The following BEND7 variants were observed in gnomAD, a reference collection of about 807,000 sequenced individuals.
BEND7 encodes BEN domain-containing protein 7.
A neutral mutation model predicts 50.9 loss-of-function variants in BEND7; 28 were observed. That is an observed-to-expected ratio of 0.55 (90% CI 0.41 to 0.75). BEND7 has a LOEUF of 0.75. Among genes scored for constraint, BEND7 ranks in the 30% least tolerant of loss-of-function variants. BEND7 has a pLI of 0.00. For synonymous variants in BEND7, 170 were observed against 183.9 expected (o/e 0.92, Z 0.61); for missense variants, 477 against 491.3 (o/e 0.97, Z 0.28).
At chr10:13,504,872 C>G (rs1397905489) in intron 2 of BEND7, among the ~76,000 whole-genome samples, 1 of 152,170 alleles carries the variant, frequency 6.6e-6, no homozygotes, top group Non-Finnish European at 1.5e-5. Context: ...CACTAAATTT[C>G]AAGACTCTAC....
intron 6 of BEND7, among the ~76,000 whole-genome samples, chr10:13,454,904 G>A (rs879333076): frequency 6.6e-6 from 1 of 152,172 alleles, no homozygotes; most frequent in Non-Finnish European, 1.5e-5. Flanking sequence ...GGGCGCGGTG[G>A]CTCACGCCTG....
At chr10:13,525,281 T>C (rs2079378059) in intron 2 of BEND7, among the ~76,000 whole-genome samples, 1 of 152,206 alleles carries the variant, frequency 6.6e-6, no homozygotes, top group Admixed American at 6.5e-5. Context: ...TTTTGGCTGA[T>C]TGTGTGCAAA....
chr10:13,475,784 G>A (rs192458257), intron 6 of BEND7, among the ~76,000 whole-genome samples: 146 of 152,336 alleles, frequency 9.6e-4, no homozygotes, highest in Non-Finnish European at 1.6e-3. Flanking sequence ...TAGAAAGACT[G>A]AAGTGTTTAG....
chr10:13,458,686 G>C (rs1416822696), intron 6 of BEND7, among the ~76,000 whole-genome samples: 1 of 152,206 alleles, frequency 6.6e-6, no homozygotes, highest in East Asian at 1.9e-4. Context: ...CAAACTCCTA[G>C]AGCTTGCAAA....
intron 3 of BEND7, among the ~76,000 whole-genome samples, chr10:13,498,166 C>T (rs1378754632): frequency 2.0e-5 from 3 of 150,776 alleles, no homozygotes; most frequent in African/African-American, 7.3e-5. Context: ...ACCCCTGCCT[C>T]CCAGGCTCAA....
chr10:13,525,902 G>C (rs1174092398), intron 2 of BEND7, among the ~76,000 whole-genome samples: 1 of 152,198 alleles, frequency 6.6e-6, no homozygotes, highest in Non-Finnish European at 1.5e-5. Context: ...GGCTCTGTGA[G>C]TGAGTGATAA....
At chr10:13,515,672 G>A (rs979401934) in intron 2 of BEND7, among the ~76,000 whole-genome samples, 71 of 152,278 alleles carry the variant, frequency 4.7e-4, no homozygotes, top group African/African-American at 1.6e-3. Context: ...CCTAACTATG[G>A]TCACGCGGCC....
chr10:13,452,951 G>A (rs1461930579), intron 6 of BEND7, among the ~76,000 whole-genome samples: 1 of 152,192 alleles, frequency 6.6e-6, no homozygotes, highest in Non-Finnish European at 1.5e-5. Flanking sequence ...CTTATAGGCA[G>A]AGAAGAAAAT....
chr10:13,447,342 A>C, intron 7 of BEND7, 26 bp from the exon 8 acceptor site: 1 of 1,613,226 alleles, frequency 6.2e-7, no homozygotes, highest in East Asian at 2.2e-5. Context: ...ATAAGACACA[A>C]ATCTCATTAG....
At chr10:13,480,855 A>G (rs1413253023) in intron 6 of BEND7, 44 bp downstream of exon 6, 3 of 1,609,378 alleles carry the variant, frequency 1.9e-6, no homozygotes, top group Non-Finnish European at 2.5e-6. Flanking sequence ...GAATGAAGGG[A>G]AAGCTCAACG....
intron 2 of BEND7, among the ~76,000 whole-genome samples, chr10:13,523,625 C>A (rs2079229461): frequency 6.6e-6 from 1 of 152,100 alleles, no homozygotes; most frequent in South Asian, 2.1e-4. Context: ...CATAAGCTTC[C>A]CATATAATTC....
At chr10:13,462,089 C>G (rs1298508302) in intron 6 of BEND7, among the ~76,000 whole-genome samples, 9 of 152,054 alleles carry the variant, frequency 5.9e-5, no homozygotes, top group Admixed American at 5.9e-4. Flanking sequence ...TTAAAATGAG[C>G]AAGGAAAAAT....
At chr10:13,480,113 T>G (rs1481428824) in intron 6 of BEND7, among the ~76,000 whole-genome samples, 1 of 152,240 alleles carries the variant, frequency 6.6e-6, no homozygotes, top group East Asian at 1.9e-4. Context: ...GTTTTGAGAC[T>G]TGGTTTATGT....
At chr10:13,511,913 T>C (rs1246597005) in intron 2 of BEND7, among the ~76,000 whole-genome samples, 4 of 152,164 alleles carry the variant, frequency 2.6e-5, no homozygotes, top group Non-Finnish European at 5.9e-5. Context: ...AGGAACTAGC[T>C]GAATGGCAGG....
At chr10:13,500,120 G>C in intron 2 of BEND7, 40 bp from the exon 3 acceptor site, 15 of 1,460,310 alleles carry the variant, frequency 1.0e-5, no homozygotes, top group Admixed American at 2.1e-5. Context: ...CTAAATTAGT[G>C]AAAGAGAAAA....
intron 2 of BEND7, among the ~76,000 whole-genome samples, chr10:13,516,441 A>C (rs891024686): frequency 6.6e-6 from 1 of 152,152 alleles, no homozygotes. Context: ...AAAATAGAAA[A>C]CAGGCTGGGC....
chr10:13,507,818 C>A (rs1255393306), intron 2 of BEND7, among the ~76,000 whole-genome samples: 1 of 152,158 alleles, frequency 6.6e-6, no homozygotes, highest in Non-Finnish European at 1.5e-5. Context: ...TTGCACAACA[C>A]TGTGAACGTA....
At chr10:13,483,258 A>G (rs4748039) in intron 5 of BEND7, among the ~76,000 whole-genome samples, 111,536 of 151,982 alleles carry the variant, frequency 0.73, 41,469 homozygotes, top group East Asian at 0.88. Flanking sequence ...TCCTGTGAAC[A>G]TGGACCCCAG....
intron 3 of BEND7, among the ~76,000 whole-genome samples, chr10:13,499,471 GT>G (rs1388875169): frequency 6.6e-6 from 1 of 151,802 alleles, no homozygotes; most frequent in Non-Finnish European, 1.5e-5. Flanking sequence ...TAATGTTCAG[GT>G]TTTTTTTGTG....
Sources: gnomAD v4.1 joint callset for allele counts (sites outside exome capture counted in the v4.1 genomes callset) on GRCh38, gnomAD v4.1.1 for gene constraint, MANE v1.5 for transcripts, NCBI Gene and HGNC (gene_info 2026-07-23, HGNC 2026-07-21) for gene names.